Variants in ATP1B1 observed in about 807,000 individuals in gnomAD.
ATP1B1 encodes ATPase Na+/K+ transporting subunit beta 1, also known as sodium/potassium-transporting ATPase subunit beta-1.
A neutral mutation model predicts 39.6 loss-of-function variants in ATP1B1; 3 were observed. The observed-to-expected ratio is 0.08, with a 90% CI of 0.03 to 0.20. The LOEUF (loss-of-function observed/expected upper bound fraction) is 0.20, where lower values mean the gene tolerates loss of function less well. ATP1B1 is among the 10% of genes least tolerant of loss of function. ATP1B1 has a pLI of 1.00. For synonymous variants in ATP1B1, 139 were observed against 135.0 expected, an observed-to-expected ratio of 1.03 and a Z score of -0.20; for missense variants, 216 against 371.1, an observed-to-expected ratio of 0.58 and a Z score of 3.43.
At chr1:169,125,246 G>T (rs953704341) in intron 3 of ATP1B1, among the ~76,000 whole-genome samples, 2 of 152,118 alleles carry the variant, frequency 1.3e-5, no homozygotes, top group Admixed American at 6.5e-5. Flanking sequence ...TTTCTGCATT[G>T]GAAAGGTGTC....
chr1:169,117,751 T>C (rs1408426891), intron 2 of ATP1B1, among the ~76,000 whole-genome samples: 1 of 152,232 alleles, frequency 6.6e-6, no homozygotes, highest in Non-Finnish European at 1.5e-5. Context: ...GCTCTCATGC[T>C]AGTAATCTGA....
At chr1:169,121,604 G>A (rs1443036254) in intron 2 of ATP1B1, among the ~76,000 whole-genome samples, 1 of 152,172 alleles carries the variant, frequency 6.6e-6, no homozygotes. Flanking sequence ...ACCTTGAGCA[G>A]CCACTGGAAG....
intron 1 of ATP1B1, chr1:169,110,827 T>G: frequency 2.0e-6 from 1 of 499,698 alleles, no homozygotes; most frequent in Non-Finnish European, 3.1e-6. Flanking sequence ...AACAGGAGGA[T>G]ATCATCACTG....
At chr1:169,110,333 A>C (rs962653352) in intron 1 of ATP1B1, among the ~76,000 whole-genome samples, 1 of 152,144 alleles carries the variant, frequency 6.6e-6, no homozygotes, top group Non-Finnish European at 1.5e-5. Flanking sequence ...TTTTTAATGC[A>C]TGAGATCTGG....
At chr1:169,120,537 A>G (rs1241910642) in intron 2 of ATP1B1, among the ~76,000 whole-genome samples, 1 of 152,214 alleles carries the variant, frequency 6.6e-6, no homozygotes, top group African/African-American at 2.4e-5. Context: ...GCTTTGGCCT[A>G]GGGTCTAATC....
chr1:169,131,621 T>A lies in ATP1B1; in HGVS notation c.*66T>A. The A allele has an allele frequency of 6.5e-7, 1 of 1,534,954 alleles. No homozygotes were observed. Among genetic ancestry groups the A allele is most frequent in the Non-Finnish European group, 8.8e-7 (1 of 1,141,860 alleles). ...AAAAAAAGATACAAAAACAAAAACCTACTAGTCTTGAACAAACTGTCATAC... is the reference window on the plus strand; with the variant it reads ...AAAAAAAGATACAAAAACAAAAACCAACTAGTCTTGAACAAACTGTCATAC... On this transcript the variant is annotated 3_prime_UTR_variant, in exon 6 of 6. Transcript: ENST00000367815. This position sits in a 1 kb window ranked among gnomAD's most constrained non-coding sequence, Gnocchi z 4.4.
chr1:169,116,044 C>T (rs1273367985), intron 2 of ATP1B1, among the ~76,000 whole-genome samples: 1 of 152,260 alleles, frequency 6.6e-6, no homozygotes, highest in Non-Finnish European at 1.5e-5. Flanking sequence ...CAGGCACAGG[C>T]ACGCACACCC....
chr1:169,120,944 T>C (rs572166106), intron 2 of ATP1B1, among the ~76,000 whole-genome samples: 26 of 131,504 alleles, frequency 2.0e-4, no homozygotes, highest in African/African-American at 7.2e-4. Flanking sequence ...CTTTTTCTTT[T>C]CTTTTCTTTT....
chr1:169,110,692 T>C (rs1484245809), intron 1 of ATP1B1: 1 of 1,284,828 alleles, frequency 7.8e-7, no homozygotes, highest in African/African-American at 1.5e-5. Flanking sequence ...TTCCAGAAGA[T>C]GGAATTAAAA....
intron 1 of ATP1B1, chr1:169,108,199 T>C (rs1657646140): frequency 6.6e-6 from 1 of 152,238 alleles, no homozygotes. Flanking sequence ...AAGGTGTTAC[T>C]GGGAAGCATA....
At position 169,106,788 on chromosome 1, in the gene ATP1B1, AC is replaced by A. The variant is rs1657600699; in HGVS notation, c.-39del. On this transcript the variant is annotated 5_prime_UTR_variant, in exon 1 of 6. Transcript: ENST00000367815. ...GGACGCCAGGGCGCGCGCCGCAGCC[AC>A]CCACCCTCCGGACCGCGGCAGCTGC... 6.6e-7 allele frequency: 1 copy of A among 1,524,722 alleles called. No homozygotes were observed. Among genetic ancestry groups the A allele is most frequent in the African/African-American group, 1.4e-5 (1 of 69,566 alleles). The allele number at this position is 1,524,722 out of a possible 1,614,324, so 94.4% of individuals were successfully genotyped here.
At chr1:169,129,708 T>C (rs995715714) in intron 4 of ATP1B1, among the ~76,000 whole-genome samples, 2 of 152,264 alleles carry the variant, frequency 1.3e-5, no homozygotes, top group African/African-American at 4.8e-5. Flanking sequence ...GACTTAGTTT[T>C]CAGTGTCTTT....
rs530484987 is a variant in ATP1B1 at position 169,110,611 on chromosome 1, A to T, written c.98-759A>T. The T allele has an allele frequency of 1.7e-5, 18 of 1,088,210 alleles. No homozygotes were observed. In the African/African-American group the frequency reaches 2.2e-4, roughly 14 times the overall value. The allele number at this position is 1,088,210 out of a possible 1,614,324, so 67.4% of individuals were successfully genotyped here. On this transcript the variant is annotated intron_variant, in intron 1 of 5. Transcript: ENST00000367815. ...TGCTTTTGCAGCTATTTCAGCCTCC[A>T]TCCTGTTGTCTTGTTAACTATGGGA...
intron 2 of ATP1B1, among the ~76,000 whole-genome samples, chr1:169,122,566 A>G (rs1658001228): frequency 2.6e-5 from 4 of 152,168 alleles, no homozygotes. Context: ...TGCTTTAGAA[A>G]TACTAAAAAA....
chr1:169,115,030 A>G (rs1657811866), intron 2 of ATP1B1, among the ~76,000 whole-genome samples: 2 of 151,894 alleles, frequency 1.3e-5, no homozygotes, highest in South Asian at 2.1e-4. Flanking sequence ...TAAAAAATAC[A>G]AAAAATTAGC....
chr1:169,107,872 C>G (rs1355371373), intron 1 of ATP1B1: 1 of 151,636 alleles, frequency 6.6e-6, no homozygotes, highest in Non-Finnish European at 1.5e-5. Context: ...ATCACTGCCC[C>G]CTCCTCCTCC....
chr1:169,121,233 C>T (rs903476105), intron 2 of ATP1B1, among the ~76,000 whole-genome samples: 2 of 152,164 alleles, frequency 1.3e-5, no homozygotes, highest in African/African-American at 2.4e-5. Flanking sequence ...AGGCATTAGC[C>T]ACCATTCCCG....
At chr1:169,114,466 G>T (rs746709181) in intron 2 of ATP1B1, among the ~76,000 whole-genome samples, 7 of 152,148 alleles carry the variant, frequency 4.6e-5, no homozygotes, top group Non-Finnish European at 8.8e-5. Flanking sequence ...GGTATTGACT[G>T]CCCTTTGTAC....
chr1:169,110,627 A>G (rs1412210354), intron 1 of ATP1B1: 12 of 1,135,942 alleles, frequency 1.1e-5, no homozygotes, highest in Non-Finnish European at 1.3e-5. Flanking sequence ...TTGTCTTGTT[A>G]ACTATGGGAA....
Sources: gnomAD v4.1 joint callset for allele counts (sites outside exome capture counted in the v4.1 genomes callset) on GRCh38, gnomAD v4.1.1 for gene constraint, Gnocchi (gnomAD v3.1) non-coding constraint, MANE v1.5 for transcripts, NCBI Gene and HGNC (gene_info 2026-07-23, HGNC 2026-07-21) for gene names.